Variants in PRKN observed in about 807,000 individuals in gnomAD.
The protein encoded by PRKN is parkin RBR E3 ubiquitin protein ligase, also known as E3 ubiquitin-protein ligase parkin.
A neutral mutation model predicts 59.5 loss-of-function variants in PRKN; 56 were observed. The observed-to-expected ratio is 0.94, with a 90% CI of 0.76 to 1.18. PRKN has a LOEUF of 1.18. Ranked by LOEUF, PRKN falls within the 50% of genes most tolerant of loss-of-function variation. The pLI is 0.00. For missense variants in PRKN, 657 were observed against 596.4 expected (o/e 1.10, Z -1.06); for synonymous variants, 250 against 222.1 (o/e 1.13, Z -1.12).
In PRKN at chr6:161,463,894, T is replaced by C. The variant is rs1417120855; in HGVS notation, c.1084-77017A>G. Among the ~76,000 whole-genome samples, 3 of 152,234 alleles carry C rather than the reference T, an allele frequency of 2.0e-5. No homozygotes were observed. The highest frequency in any genetic ancestry group is 4.4e-5 in the Non-Finnish European group (3 of 68,036). On this transcript the variant is annotated intron_variant, in intron 9 of 11. Coordinates refer to ENST00000366898, the MANE Select transcript of PRKN (RefSeq NM_004562.3). This position sits in a 1 kb window ranked among gnomAD's most constrained non-coding sequence, Gnocchi z 4.8. ...TATTATTCACTTATATTTAAGATAC[T>C]GTACTCCATAGAGCTAGGATGGTAG... is the stretch of plus-strand genomic sequence containing the variant.
chr6:162,312,629 A>T (rs985791474), intron 2 of PRKN, among the ~76,000 whole-genome samples: 2 of 152,190 alleles, frequency 1.3e-5, no homozygotes, highest in Non-Finnish European at 2.9e-5. Context: ...ACATTCCCAG[A>T]CATCGAAGCA....
At chr6:162,588,203 G>T (rs1781145702) in intron 1 of PRKN, among the ~76,000 whole-genome samples, 1 of 151,584 alleles carries the variant, frequency 6.6e-6, no homozygotes, top group Admixed American at 6.6e-5. Context: ...TAAAGACAGG[G>T]TTTCACCATG....
rs1480502625 is a variant in PRKN, at chr6:162,675,857, A to G, written c.7+51805T>C. On this transcript the variant is annotated intron_variant, in intron 1 of 11. Transcript: ENST00000366898. ...GTAATATGAAAGGCAAAACTGACCT[A>G]GCAGATATTAAAACATATTGTAAAA... Among the ~76,000 whole-genome samples, 4 of 152,220 alleles carry G rather than the reference A, an allele frequency of 2.6e-5. No homozygotes were observed. In the East Asian group the frequency reaches 7.7e-4, roughly 29 times the overall value.
At chr6:162,396,857 T>C (rs1787502329) in intron 2 of PRKN, among the ~76,000 whole-genome samples, 1 of 152,142 alleles carries the variant, frequency 6.6e-6, no homozygotes, top group Non-Finnish European at 1.5e-5. Context: ...CACTGACTTC[T>C]GAGAAACCAC....
At chr6:162,109,554 T>G (rs1368441524) in intron 4 of PRKN, among the ~76,000 whole-genome samples, 1 of 152,144 alleles carries the variant, frequency 6.6e-6, no homozygotes, top group Non-Finnish European at 1.5e-5. Context: ...TACAGATGAG[T>G]AAACAGAGTT....
At chr6:161,970,823 C>T (rs936972338) in intron 6 of PRKN, among the ~76,000 whole-genome samples, 1 of 152,160 alleles carries the variant, frequency 6.6e-6, no homozygotes, top group East Asian at 1.9e-4. Flanking sequence ...CAGGCGTGAG[C>T]CACCGTGTCT....
chr6:162,204,794 CCATT>C (rs1414469155), intron 3 of PRKN, among the ~76,000 whole-genome samples: 2 of 151,502 alleles, frequency 1.3e-5, no homozygotes, highest in African/African-American at 4.8e-5. Context: ...GTCACCGTGG[CCATT>C]CAGAGGTCCA....
intron 7 of PRKN, among the ~76,000 whole-genome samples, chr6:161,733,779 AAAAAAT>A (rs1238954889): frequency 0.022 from 1,877 of 85,772 alleles, 75 homozygotes; most frequent in African/African-American, 0.11. Flanking sequence ...TGAAAAAAAA[AAAAAAT>A]ATATATATAT....
Position 161,514,897 on chromosome 6 carries a change from G to A in PRKN, c.1083+33957C>T, listed in dbSNP as rs535899717. Among the ~76,000 whole-genome samples, 11 of 152,184 alleles carry A rather than the reference G, an allele frequency of 7.2e-5. No homozygotes were observed. In the East Asian group the frequency reaches 1.9e-3, roughly 27 times the overall value. On this transcript the variant is annotated intron_variant, in intron 9 of 11. Coordinates refer to ENST00000366898, the MANE Select transcript of PRKN (RefSeq NM_004562.3). ...CATGGTGCCTACTACGGAGTCCTCT[G>A]GGTTCCTCTCCCCTGAAGCCAAGGG...
rs187773461 is a variant in PRKN, at chr6:161,436,654, T to C, written c.1084-49777A>G. ...AGGCATGATGGGAACGTGGGTCAAA[T>C]TGAAACTCCTGCTCTGACCTCATCC... On this transcript the variant is annotated intron_variant, in intron 9 of 11. Transcript: ENST00000366898. 8.0e-4 allele frequency among the ~76,000 whole-genome samples: 121 copies of C among 152,062 alleles called. 1 individual carries two copies. Among genetic ancestry groups the C allele is most frequent in the African/African-American group, 2.7e-3 (112 of 41,424 alleles).
At chr6:162,080,827 G>A (rs1017193330) in intron 4 of PRKN, among the ~76,000 whole-genome samples, 2 of 152,042 alleles carry the variant, frequency 1.3e-5, no homozygotes, top group East Asian at 3.9e-4. Flanking sequence ...CTGTCTGACA[G>A]CAGCAGAACC....
At chr6:162,040,594 A>AT (rs1350431611) in intron 5 of PRKN, among the ~76,000 whole-genome samples, 2 of 79,658 alleles carry the variant, frequency 2.5e-5, no homozygotes, top group Non-Finnish European at 5.2e-5. Context: ...TTTTTTTTGT[A>AT]TTTTTTTGTA....
chr6:161,870,778 T>C (rs1284762482), intron 6 of PRKN, among the ~76,000 whole-genome samples: 4 of 152,330 alleles, frequency 2.6e-5, no homozygotes, highest in Non-Finnish European at 4.4e-5. Context: ...ACTGTTTTCA[T>C]GGACCTCCTC....
intron 6 of PRKN, among the ~76,000 whole-genome samples, chr6:161,905,539 C>T (rs1778108231): frequency 6.6e-6 from 1 of 152,154 alleles, no homozygotes; most frequent in Non-Finnish European, 1.5e-5. Context: ...TTCAGTGTCT[C>T]GTTAACTGAC....
intron 6 of PRKN, among the ~76,000 whole-genome samples, chr6:161,970,687 G>A (rs962604168): frequency 5.3e-5 from 8 of 151,750 alleles, no homozygotes; most frequent in African/African-American, 1.9e-4. Flanking sequence ...ACAGGCATGT[G>A]CCACTACGCC....
rs995935024 is a variant in PRKN, at chr6:161,373,525, G to C, written c.1167+13269C>G. On this transcript the variant is annotated intron_variant, in intron 10 of 11. Coordinates refer to ENST00000366898, the MANE Select transcript of PRKN (RefSeq NM_004562.3). This position sits in a 1 kb window ranked among gnomAD's most constrained non-coding sequence, Gnocchi z 4.8. ...ATGCCTCTGTGCTTACAGGGGTGCT[G>C]AGTTTAAACGAGCTATGCCTCTGTG... Among the ~76,000 whole-genome samples, 12 of 152,238 alleles carry C rather than the reference G, an allele frequency of 7.9e-5. No individual in the cohort carries two copies. The highest frequency in any genetic ancestry group is 5.2e-4 in the Admixed American group (8 of 15,288).
intron 7 of PRKN, among the ~76,000 whole-genome samples, chr6:161,776,740 G>T (rs960795780): frequency 3.9e-5 from 6 of 152,190 alleles, no homozygotes; most frequent in African/African-American, 1.4e-4. Context: ...AGCCTAGGGA[G>T]AGGCAGGGCA....
chr6:161,771,485 A>G (rs1296674449), intron 7 of PRKN, among the ~76,000 whole-genome samples: 6 of 152,130 alleles, frequency 3.9e-5, no homozygotes, highest in Non-Finnish European at 7.4e-5. Flanking sequence ...GAGGAAGTAA[A>G]TAAGATTACT....
chr6:161,979,376 A>T (rs1781175372), intron 5 of PRKN, among the ~76,000 whole-genome samples: 1 of 152,108 alleles, frequency 6.6e-6, no homozygotes, highest in African/African-American at 2.4e-5. Flanking sequence ...AGTTTCAAGC[A>T]AATCTCATGT....
Sources: allele counts gnomAD v4.1 joint callset (sites outside exome capture counted in the v4.1 genomes callset), GRCh38; gene constraint gnomAD v4.1.1; non-coding constraint Gnocchi (gnomAD v3.1); transcripts MANE v1.5; gene names NCBI Gene and HGNC (gene_info 2026-07-23, HGNC 2026-07-21).